NAV3: variants seen among roughly 807,000 people sequenced by gnomAD.
The protein encoded by NAV3 is pore membrane and/or filament interacting like protein 1.
A neutral mutation model predicts 244.7 loss-of-function variants in NAV3; 87 were observed. The ratio of observed to expected loss-of-function variants is 0.36; its 90% CI spans 0.30 to 0.42. The LOEUF (loss-of-function observed/expected upper bound fraction) is 0.42, where lower values mean the gene tolerates loss of function less well. Ranked by LOEUF, NAV3 falls within the 20% of genes least tolerant of loss-of-function variation. The pLI, the probability that NAV3 is intolerant of heterozygous loss-of-function variation, is 1.00. For missense variants in NAV3, 2,663 were observed against 2,893.3 expected, an observed-to-expected ratio of 0.92 and a Z score of 1.83; for synonymous variants, 1,126 against 1,042.2, an observed-to-expected ratio of 1.08 and a Z score of -1.55.
At chr12:78,073,678 G>A (rs1952896767) in intron 12 of NAV3, among the ~76,000 whole-genome samples, 1 of 151,478 alleles carries the variant, frequency 6.6e-6, no homozygotes, top group Non-Finnish European at 1.5e-5. Flanking sequence ...CACAGAATTG[G>A]AAAAAAAACT....
intron 2 of NAV3, among the ~76,000 whole-genome samples, chr12:77,643,767 T>G (rs1162769101): frequency 6.6e-6 from 1 of 152,078 alleles, no homozygotes; most frequent in African/African-American, 2.4e-5. Context: ...CCAAGTTACA[T>G]TTCCTATTAA....
chr12:77,810,114 G>C (rs1040983765), intron 2 of NAV3, among the ~76,000 whole-genome samples: 1 of 152,134 alleles, frequency 6.6e-6, no homozygotes, highest in Non-Finnish European at 1.5e-5. Flanking sequence ...AGTAAGTTTA[G>C]AAATTTACTT....
chr12:78,124,430 A>G (rs1179134491), intron 16 of NAV3, among the ~76,000 whole-genome samples: 2 of 50,038 alleles, frequency 4.0e-5, no homozygotes, highest in Non-Finnish European at 4.2e-5. Flanking sequence ...AAATAGGCCA[A>G]TTTTATTTAT....
intron 1 of NAV3, among the ~76,000 whole-genome samples, chr12:77,858,061 C>T (rs1451911121): frequency 6.6e-6 from 1 of 151,982 alleles, no homozygotes; most frequent in East Asian, 1.9e-4. Context: ...ATTTCATGAG[C>T]TTAGGAATTT....
At chr12:77,685,042 A>C (rs1874653797) in intron 2 of NAV3, among the ~76,000 whole-genome samples, 1 of 152,126 alleles carries the variant, frequency 6.6e-6, no homozygotes, top group Non-Finnish European at 1.5e-5. Context: ...TTTTATGTTT[A>C]TACTATATCT....
intron 5 of NAV3, among the ~76,000 whole-genome samples, chr12:77,987,186 A>T (rs1320629795): frequency 6.6e-6 from 1 of 152,150 alleles, no homozygotes; most frequent in Non-Finnish European, 1.5e-5. Context: ...TACAGATTCT[A>T]TAATATCTTG....
At position 78,127,147 on chromosome 12, in the gene NAV3, G is replaced by A. The variant is rs886334339; in HGVS notation, c.4239-20G>A. 1.9e-6 allele frequency: 3 copies of A among 1,612,672 alleles called. No individual in the cohort carries two copies. The highest frequency in any genetic ancestry group is 2.5e-6 in the Non-Finnish European group (3 of 1,179,192). On this transcript the variant is annotated intron_variant, in intron 16 of 39. Transcript: ENST00000397909. The stretch of plus-strand genomic sequence containing the variant: ...GTTTTGTTTACATTATGTCCTTAGG[G>A]GTTTTCTTTGTTTTAACAGCATGCA...
At chr12:77,596,122 T>A (rs1182100127) in intron 2 of NAV3, among the ~76,000 whole-genome samples, 1 of 152,100 alleles carries the variant, frequency 6.6e-6, no homozygotes, top group Non-Finnish European at 1.5e-5. Flanking sequence ...ACCAAGCAAA[T>A]CTGGGTCCAT....
intron 3 of NAV3, among the ~76,000 whole-genome samples, chr12:77,960,754 G>A (rs1300559221): frequency 6.9e-6 from 1 of 145,960 alleles, no homozygotes; most frequent in Admixed American, 6.9e-5. Context: ...TATAATATAT[G>A]CATATATATG....
intron 22 of NAV3, among the ~76,000 whole-genome samples, chr12:78,150,492 TTTTGTTTTTGTTTTTG>T (rs577938429): frequency 8.7e-4 from 57 of 65,830 alleles, no homozygotes; most frequent in African/African-American, 2.3e-3. Context: ...TTTCACATTT[TTTTGTTTTTGTTTTTG>T]TTTTTTTTTC....
At chr12:77,605,164 T>C (rs1463995256) in intron 2 of NAV3, among the ~76,000 whole-genome samples, 1 of 152,068 alleles carries the variant, frequency 6.6e-6, no homozygotes, top group Admixed American at 6.6e-5. Flanking sequence ...TAAGATAAAA[T>C]AAAATCATGC....
intron 2 of NAV3, among the ~76,000 whole-genome samples, chr12:77,794,689 G>T (rs950788269): frequency 7.2e-5 from 11 of 152,158 alleles, no homozygotes; most frequent in Admixed American, 4.6e-4. Flanking sequence ...TCAACAGCAT[G>T]TGCTCACTTT....
chr12:77,657,070 C>T (rs1191708632), intron 2 of NAV3, among the ~76,000 whole-genome samples: 2 of 152,148 alleles, frequency 1.3e-5, no homozygotes, highest in African/African-American at 2.4e-5. Context: ...AGAGCAAACA[C>T]ATTCAAAAGC....
intron 8 of NAV3, among the ~76,000 whole-genome samples, chr12:78,013,355 G>C (rs918261862): frequency 6.6e-6 from 1 of 152,062 alleles, no homozygotes; most frequent in African/African-American, 2.4e-5. Flanking sequence ...TTATACTGAG[G>C]CTTCAAAAAA....
intron 1 of NAV3, among the ~76,000 whole-genome samples, chr12:77,863,111 G>T (rs550510617): frequency 6.6e-6 from 1 of 151,884 alleles, no homozygotes; most frequent in East Asian, 1.9e-4. Flanking sequence ...ATTATTTGCA[G>T]CTGCTCAGAC....
intron 10 of NAV3, 64 bp from the exon 11 acceptor site, chr12:78,050,700 A>G: frequency 1.3e-6 from 2 of 1,501,408 alleles, no homozygotes; most frequent in Middle Eastern, 1.8e-4. Context: ...TTCTGTCTTC[A>G]TGCATTCTAG....
chr12:77,594,959 G>C (rs1035397117), intron 2 of NAV3, among the ~76,000 whole-genome samples: 2 of 152,072 alleles, frequency 1.3e-5, no homozygotes, highest in African/African-American at 4.8e-5. Context: ...TTGTTGGTGC[G>C]CATATAAATT....
chr12:78,178,816 T>A (rs1012237395), intron 28 of NAV3, among the ~76,000 whole-genome samples: 2 of 151,432 alleles, frequency 1.3e-5, no homozygotes, highest in Admixed American at 6.6e-5. Context: ...ATAAAACAAT[T>A]TTTTTGGCAA....
intron 2 of NAV3, among the ~76,000 whole-genome samples, chr12:77,637,867 G>A (rs1241687563): frequency 6.6e-6 from 1 of 152,130 alleles, no homozygotes; most frequent in Non-Finnish European, 1.5e-5. Context: ...TTTGTAAATG[G>A]TACTGTGATA....
Sources: gnomAD v4.1 joint callset for allele counts (sites outside exome capture counted in the v4.1 genomes callset) on GRCh38, gnomAD v4.1.1 for gene constraint, MANE v1.5 for transcripts, NCBI Gene and HGNC (gene_info 2026-07-23, HGNC 2026-07-21) for gene names.